Variants in KLHL18 observed in about 807,000 individuals in gnomAD.
KLHL18 encodes the protein kelch like family member 18.
KLHL18 carries 38 observed loss-of-function variants against 58.5 expected under a neutral mutation model. The observed-to-expected ratio is 0.65, with a 90% CI of 0.50 to 0.85. The LOEUF is 0.85. KLHL18 is among the 40% of genes least tolerant of loss of function. The probability of loss-of-function intolerance (pLI) is 0.00; values close to 1 mark genes in which losing one functional copy is unlikely to be tolerated. For synonymous variants in KLHL18, 303 were observed against 301.9 expected (o/e 1.00, Z -0.04); for missense variants, 624 against 778.4 (o/e 0.80, Z 2.36).
chr3:47,336,384 G>C, intron 6 of KLHL18, 151 bp from the exon 7 acceptor site: 1 of 677,594 alleles, frequency 1.5e-6, no homozygotes, highest in Non-Finnish European at 2.5e-6. Flanking sequence ...GATCATGGCT[G>C]AAATTTCTTA....
At chr3:47,309,870 G>A (rs1396017857) in intron 1 of KLHL18, among the ~76,000 whole-genome samples, 1 of 152,034 alleles carries the variant, frequency 6.6e-6, no homozygotes, top group Non-Finnish European at 1.5e-5. Context: ...GCGTGGCAGC[G>A]CGCGCCTGCA....
chr3:47,343,411 G>C, intron 9 of KLHL18, 144 bp from the exon 10 acceptor site: 1 of 917,858 alleles, frequency 1.1e-6, no homozygotes, highest in Non-Finnish European at 1.6e-6. Flanking sequence ...GCCTGCAGCA[G>C]AGGGAATACT....
In KLHL18 at chr3:47,308,453, C is replaced by T. The variant is rs149159340; in HGVS notation, c.130-11200C>T. On this transcript the variant is annotated intron_variant, in intron 1 of 9. Coordinates refer to ENST00000232766, the MANE Select transcript of KLHL18 (RefSeq NM_025010.5). ...TCCCCCAGGCTGGAGTGCAATGGCA[C>T]GATCTTGGCTCACTGCAATCTCCAC... 3.9e-3 allele frequency among the ~76,000 whole-genome samples: 600 copies of T among 152,250 alleles called. 6 individuals are homozygous for T. Among genetic ancestry groups the T allele is most frequent in the African/African-American group, 0.014 (580 of 41,558 alleles).
Position 47,324,232 on chromosome 3 carries a change from G to A in KLHL18, c.401+1524G>A, listed in dbSNP as rs1703655306. On this transcript the variant is annotated intron_variant, in intron 3 of 9. Coordinates refer to ENST00000232766, the MANE Select transcript of KLHL18 (RefSeq NM_025010.5). The stretch of plus-strand genomic sequence containing the variant: ...TGTGAGCTTTTTAAGACACAGACTG[G>A]ACTTAGTTCACCTCTTTTTCCCACA... 3.4e-5 allele frequency among the ~76,000 whole-genome samples: 5 copies of A among 146,114 alleles called. No homozygotes were observed. In the Admixed American group the frequency reaches 3.5e-4, roughly 10 times the overall value.
chr3:47,338,746 C>T (rs961882817), intron 7 of KLHL18: 5 of 152,118 alleles, frequency 3.3e-5, no homozygotes, highest in South Asian at 2.1e-4. Context: ...TTGCTTAAAC[C>T]GGGGAGGCGG....
At chr3:47,311,452 G>A (rs1241241266) in intron 1 of KLHL18, among the ~76,000 whole-genome samples, 1 of 152,034 alleles carries the variant, frequency 6.6e-6, no homozygotes, top group Non-Finnish European at 1.5e-5. Flanking sequence ...CAGCACTTTG[G>A]GAGGCCAAGG....
chr3:47,308,608 C>G (rs1356607269), intron 1 of KLHL18, among the ~76,000 whole-genome samples: 4 of 152,158 alleles, frequency 2.6e-5, no homozygotes, highest in Non-Finnish European at 5.9e-5. Context: ...CCAGGCTGGT[C>G]TTGAACTCCT....
intron 1 of KLHL18, among the ~76,000 whole-genome samples, chr3:47,285,448 G>A (rs1474519327): frequency 2.6e-5 from 4 of 152,192 alleles, no homozygotes; most frequent in African/African-American, 9.7e-5. Context: ...TGGGCACCGT[G>A]GCTCACGCCT....
chr3:47,328,128 G>A (rs959321856), intron 3 of KLHL18, among the ~76,000 whole-genome samples: 3 of 152,192 alleles, frequency 2.0e-5, no homozygotes, highest in Non-Finnish European at 2.9e-5. Context: ...ACTTTGGGAG[G>A]CCAAGGCAGG....
chr3:47,330,148 A>G lies in KLHL18; in HGVS notation c.599A>G (p.Gln200Arg), dbSNP rs1703822640. 6.2e-7 allele frequency: 1 copy of G among 1,613,880 alleles called. No individual in the cohort carries two copies. Among genetic ancestry groups the G allele is most frequent in the Admixed American group, 1.7e-5 (1 of 59,982 alleles). Residue 200 changes from glutamine to arginine, a missense_variant and splice_region_variant, in exon 4 of 10, where the codon CAG (glutamine) becomes CGG (arginine). Transcript: ENST00000232766. ...GAGCTGAATGTCAAATCTGAGGAGC[A>G]GGTATGTGAGCCCAGTAGCAGTCTG... ...RDELNVKSEE[Q>R]VFEAALAWVR... is the part of the protein sequence containing the mutation.
chr3:47,313,211 ATTTTTTT>A (rs759672291), intron 1 of KLHL18, among the ~76,000 whole-genome samples: 1 of 117,328 alleles, frequency 8.5e-6, no homozygotes, highest in African/African-American at 3.2e-5. Context: ...GCCCGGCCTA[ATTTTTTT>A]TTTTTTTTTT....
chr3:47,312,215 T>A (rs2107614483), intron 1 of KLHL18, among the ~76,000 whole-genome samples: 1 of 152,344 alleles, frequency 6.6e-6, no homozygotes, highest in African/African-American at 2.4e-5. Flanking sequence ...CTCAGCAGCT[T>A]CCATGTGTAT....
intron 1 of KLHL18, among the ~76,000 whole-genome samples, chr3:47,288,415 A>G (rs943137449): frequency 6.6e-6 from 1 of 152,048 alleles, no homozygotes; most frequent in African/African-American, 2.4e-5. Context: ...CTCCTGTTGC[A>G]TCTTCTGTCA....
At chr3:47,285,192 C>G (rs545937654) in intron 1 of KLHL18, among the ~76,000 whole-genome samples, 1 of 152,196 alleles carries the variant, frequency 6.6e-6, no homozygotes, top group South Asian at 2.1e-4. Flanking sequence ...GGCGTGAGAT[C>G]TTCTCATATG....
Position 47,333,206 on chromosome 3 carries a change from G to A in KLHL18, c.650G>A (p.Gly217Asp), listed in dbSNP as rs201510550. ...GTCAGATACGACCGGGAGCAGAGGG[G>A]TCCCTACCTGCCTGAGCTGCTGTCC... ...AWVRYDREQR[G>D]PYLPELLSNI... is the part of the protein sequence containing the mutation. Residue 217 changes from glycine to aspartate, a missense_variant, in exon 5 of 10, where the codon GGT becomes GAT. By Grantham distance (94) the Gly-to-Asp change is moderately conservative (BLOSUM62 -1). Transcript: ENST00000232766. The A allele has an allele frequency of 5.6e-6, 9 of 1,614,146 alleles. No homozygotes were observed. The Admixed American group carries it at 8.3e-5, about 15-fold the overall frequency.
intron 1 of KLHL18, among the ~76,000 whole-genome samples, chr3:47,299,083 T>G (rs1394148435): frequency 6.6e-6 from 1 of 152,244 alleles, no homozygotes; most frequent in Non-Finnish European, 1.5e-5. Flanking sequence ...TTTGTGTATT[T>G]CAATTTTAGA....
Position 47,336,664 on chromosome 3 carries a change from G to A in KLHL18, c.1028G>A (p.Gly343Glu). 1.2e-6 allele frequency: 2 copies of A among 1,614,256 alleles called. No homozygotes were observed. Among genetic ancestry groups the A allele is most frequent in the Non-Finnish European group, 1.7e-6 (2 of 1,180,046 alleles). ...VVNGLLYAIG[G>E]YDGQLRLSTV... is the part of the protein sequence containing the mutation. ...AACGGGCTTCTCTATGCCATCGGAG[G>A]ATATGACGGCCAGCTACGGCTGAGC... The change falls in exon 7 of 10, where the codon GGA (glycine) becomes GAA (glutamate). Residue 343 changes from glycine (G) to glutamate (E), a missense_variant. Physicochemically the swap from Gly to Glu is moderately conservative, Grantham distance 98. Transcript: ENST00000232766.
chr3:47,343,737 T>G lies in KLHL18; in HGVS notation c.1521T>G (p.Ile507Met). Residue 507 changes from isoleucine to methionine, a missense_variant, in exon 10 of 10, where the codon ATT becomes ATG. Transcript: ENST00000232766. ...YSSVADQWCLIVPMHTRRSRV... is the reference protein window; with the variant it reads ...YSSVADQWCLMVPMHTRRSRV... ...CTGTGGCAGACCAGTGGTGCCTGAT[T>G]GTCCCCATGCACACGCGCAGGAGCC... The G allele has an allele frequency of 1.2e-6, 2 of 1,614,220 alleles. No individual in the cohort carries two copies. Among genetic ancestry groups the G allele is most frequent in the Non-Finnish European group, 8.5e-7 (1 of 1,180,044 alleles).
At chr3:47,308,405 T>C (rs185153705) in intron 1 of KLHL18, among the ~76,000 whole-genome samples, 1 of 152,314 alleles carries the variant, frequency 6.6e-6, no homozygotes, top group East Asian at 1.9e-4. Flanking sequence ...TTTTCTTTTC[T>C]TTTGAGACAG....
Sources: allele counts gnomAD v4.1 joint callset (sites outside exome capture counted in the v4.1 genomes callset), GRCh38; gene constraint gnomAD v4.1.1; transcripts MANE v1.5; gene names NCBI Gene and HGNC (gene_info 2026-07-23, HGNC 2026-07-21).